Variants in RABGAP1 observed in about 807,000 individuals in gnomAD.
The protein encoded by RABGAP1 is rab GTPase-activating protein 1.
A neutral mutation model predicts 137.6 loss-of-function variants in RABGAP1; 23 were observed. That is an observed-to-expected ratio of 0.17 (90% CI 0.12 to 0.24). RABGAP1 has a LOEUF of 0.24. RABGAP1 is among the 10% of genes least tolerant of loss of function. The probability of loss-of-function intolerance (pLI) is 1.00; values close to 1 mark genes in which losing one functional copy is unlikely to be tolerated. For missense variants in RABGAP1, 906 were observed against 1,275.8 expected (o/e 0.71, Z 4.42); for synonymous variants, 451 against 450.7 (o/e 1.00, Z -0.01).
At chr9:123,030,205 T>C (rs940466257) in intron 13 of RABGAP1, among the ~76,000 whole-genome samples, 2 of 146,846 alleles carry the variant, frequency 1.4e-5, no homozygotes, top group South Asian at 4.1e-4. Context: ...TGGGAGTCCA[T>C]TTTGAGTTAG....
chr9:123,053,908 A>G (rs1230300494), intron 13 of RABGAP1, among the ~76,000 whole-genome samples: 1 of 152,202 alleles, frequency 6.6e-6, no homozygotes, highest in East Asian at 1.9e-4. Flanking sequence ...TGTGTATTCA[A>G]AGGGTTTCCT....
At chr9:123,022,300 A>G (rs2031689576) in intron 13 of RABGAP1, among the ~76,000 whole-genome samples, 1 of 152,248 alleles carries the variant, frequency 6.6e-6, no homozygotes, top group Non-Finnish European at 1.5e-5. Context: ...GGAACCTGGT[A>G]GTTATATGAT....
chr9:123,067,295 ACTGCC>A (rs2034208157), intron 14 of RABGAP1, among the ~76,000 whole-genome samples: 1 of 152,004 alleles, frequency 6.6e-6, no homozygotes, highest in Admixed American at 6.6e-5. Context: ...CTCTCTCTTC[ACTGCC>A]CTGGTACAGG....
intron 13 of RABGAP1, among the ~76,000 whole-genome samples, chr9:123,022,573 A>T (rs1419538811): frequency 1.3e-5 from 2 of 151,706 alleles, no homozygotes; most frequent in East Asian, 3.9e-4. Flanking sequence ...CTCCCAGCTA[A>T]TTTTTTAATT....
In RABGAP1 at chr9:123,048,639, T is replaced by C. The variant is rs1353252958; in HGVS notation, c.1795-16709T>C. Among the ~76,000 whole-genome samples the C allele has an allele frequency of 5.2e-5, 8 of 152,382 alleles. No homozygotes were observed. In the East Asian group the frequency reaches 1.3e-3, roughly 26 times the overall value. ...AGTATTTGGAAGTTCATCACAGTTA[T>C]CAGAAACATTTGTTTGGAATATGAC... On this transcript the variant is annotated intron_variant, in intron 13 of 25. Transcript: ENST00000373647.
In RABGAP1 at chr9:123,070,293, C is replaced by T; in HGVS notation, c.1909-57C>T. On this transcript the variant is annotated intron_variant, in intron 14 of 25. Transcript: ENST00000373647. This position sits in a 1 kb window ranked among gnomAD's most constrained non-coding sequence, Gnocchi z 4.4. ...TGTATTCAAGGTCCTATAGTGCCAC[C>T]ATGGCCCACAAGTGGCTACATTCAT... 1 of 1,609,918 alleles carries T rather than the reference C, an allele frequency of 6.2e-7. No homozygotes were observed. Among genetic ancestry groups the T allele is most frequent in the Non-Finnish European group, 8.5e-7 (1 of 1,178,068 alleles).
chr9:123,026,424 C>T (rs2031973804), intron 13 of RABGAP1, among the ~76,000 whole-genome samples: 2 of 152,038 alleles, frequency 1.3e-5, no homozygotes, highest in South Asian at 4.1e-4. Flanking sequence ...AGGACTATTA[C>T]TGATTTTCTT....
At chr9:122,974,447 T>C (rs902142210) in intron 2 of RABGAP1, among the ~76,000 whole-genome samples, 2 of 118,676 alleles carry the variant, frequency 1.7e-5, no homozygotes, top group Non-Finnish European at 3.4e-5. Flanking sequence ...TTTTTAGTTA[T>C]AATAATGTTT....
At chr9:122,969,493 G>T (rs777798585) in intron 2 of RABGAP1, among the ~76,000 whole-genome samples, 2 of 152,178 alleles carry the variant, frequency 1.3e-5, no homozygotes, top group Non-Finnish European at 2.9e-5. Context: ...TATAGAACTG[G>T]AATTGAGGAA....
At chr9:123,031,082 C>T (rs2032272174) in intron 13 of RABGAP1, among the ~76,000 whole-genome samples, 1 of 151,844 alleles carries the variant, frequency 6.6e-6, no homozygotes, top group Non-Finnish European at 1.5e-5. Flanking sequence ...AGTTTTGTTG[C>T]AATTTTATAA....
intron 10 of RABGAP1, among the ~76,000 whole-genome samples, chr9:123,003,739 G>A (rs1002861535): frequency 1.3e-5 from 2 of 152,202 alleles, no homozygotes; most frequent in Admixed American, 1.3e-4. Flanking sequence ...GTAGGGACAG[G>A]AGGATTGCTT....
rs1045583410 is a variant in RABGAP1 at position 122,980,116 on chromosome 9, T to C, written c.151-4369T>C. Among the ~76,000 whole-genome samples, 16 of 152,224 alleles carry C rather than the reference T, an allele frequency of 1.1e-4. 1 individual carries two copies. Among genetic ancestry groups the C allele is most frequent in the Non-Finnish European group, 2.9e-5 (2 of 68,034 alleles). On this transcript the variant is annotated intron_variant, in intron 2 of 25. Coordinates refer to ENST00000373647, the MANE Select transcript of RABGAP1 (RefSeq NM_012197.4). The stretch of plus-strand genomic sequence containing the variant: ...GCCACATTAGTTTGTTTATACATTG[T>C]TTATGGCTGCTTTCATGCTACAAAG...
intron 12 of RABGAP1, among the ~76,000 whole-genome samples, chr9:123,017,592 C>A (rs1317624948): frequency 6.6e-6 from 1 of 152,130 alleles, no homozygotes; most frequent in Non-Finnish European, 1.5e-5. Context: ...TCAAATTCTA[C>A]CTCTCCTACT....
intron 13 of RABGAP1, chr9:123,035,049 C>T: frequency 6.2e-7 from 1 of 1,614,120 alleles, no homozygotes; most frequent in Non-Finnish European, 8.5e-7. Context: ...CCCTGGTCTT[C>T]CTGCCTTCCT....
chr9:123,093,988 C>T (rs1343720515), intron 21 of RABGAP1, among the ~76,000 whole-genome samples: 1 of 152,092 alleles, frequency 6.6e-6, no homozygotes, highest in Non-Finnish European at 1.5e-5. Flanking sequence ...ATTTACAAGA[C>T]GTGCATGTTT....
chr9:122,983,148 G>A (rs1292578334), intron 2 of RABGAP1, among the ~76,000 whole-genome samples: 6 of 150,486 alleles, frequency 4.0e-5, no homozygotes, highest in Admixed American at 6.6e-5. Context: ...GATTATAGGC[G>A]TGAGCCACTG....
intron 2 of RABGAP1, among the ~76,000 whole-genome samples, chr9:122,975,391 T>A (rs895802114): frequency 6.6e-6 from 1 of 152,242 alleles, no homozygotes; most frequent in Admixed American, 6.5e-5. Flanking sequence ...ACTCTGGATT[T>A]TGCCTTTGGA....
intron 2 of RABGAP1, among the ~76,000 whole-genome samples, chr9:122,963,688 C>G (rs770244586): frequency 2.0e-5 from 3 of 152,044 alleles, no homozygotes; most frequent in Non-Finnish European, 4.4e-5. Context: ...AACTTAATAT[C>G]CTAACGTTCC....
At chr9:122,964,142 A>G (rs1360287571) in intron 2 of RABGAP1, among the ~76,000 whole-genome samples, 1 of 152,224 alleles carries the variant, frequency 6.6e-6, no homozygotes, top group East Asian at 1.9e-4. Flanking sequence ...AGATACTTAA[A>G]TAAGAATTAA....
Sources: gnomAD v4.1 joint callset for allele counts (sites outside exome capture counted in the v4.1 genomes callset) on GRCh38, gnomAD v4.1.1 for gene constraint, Gnocchi (gnomAD v3.1) non-coding constraint, MANE v1.5 for transcripts, NCBI Gene and HGNC (gene_info 2026-07-23, HGNC 2026-07-21) for gene names.